MSANTD2: variants seen among roughly 807,000 people sequenced by gnomAD.
The protein encoded by MSANTD2 is Myb/SANT DNA binding domain containing 2.
Under a neutral mutation model 52.6 loss-of-function variants are expected in MSANTD2, and 19 were observed. The ratio of observed to expected loss-of-function variants is 0.36; its 90% confidence interval spans 0.25 to 0.53. The LOEUF is 0.53. MSANTD2 is among the 20% of genes least tolerant of loss of function. The probability of loss-of-function intolerance (pLI) is 0.91; values close to 1 mark genes in which losing one functional copy is unlikely to be tolerated. For synonymous variants in MSANTD2, 291 were observed against 289.7 expected (o/e 1.00, Z -0.04); for missense variants, 558 against 716.3 (o/e 0.78, Z 2.52).
chr11:124,767,415 C>G lies in MSANTD2; in HGVS notation c.1441G>C (p.Glu481Gln), dbSNP rs1345828518. The G allele has an allele frequency of 6.2e-7, 1 of 1,614,066 alleles. No homozygotes were observed. Among genetic ancestry groups the G allele is most frequent in the Non-Finnish European group, 8.5e-7 (1 of 1,180,038 alleles). ...AAGCACTGCTGTAGAGTCCTGACCTCAGCAATCCCGAGGTAGCAATAGATA... is the reference window on the plus strand; with the variant it reads ...AAGCACTGCTGTAGAGTCCTGACCTGAGCAATCCCGAGGTAGCAATAGATA... ...RIIYCYLGIAEVRTLQQCLFL... is the reference protein window; with the variant it reads ...RIIYCYLGIAQVRTLQQCLFL... Residue 481 changes from glutamate to glutamine, a missense_variant, in exon 4 of 4, where the codon GAG (glutamate) becomes CAG (glutamine). This residue lies in a region of MSANTD2 where 408 missense variants were observed against 573.6 expected (regional missense o/e 0.71). Transcript: ENST00000374979. This position sits in a 1 kb window ranked among gnomAD's most constrained non-coding sequence, Gnocchi z 6.5.
At position 124,774,586 on chromosome 11, in the gene MSANTD2, G is replaced by GC; in HGVS notation, c.766+132dup. ...CATGAAAGACATACAAGGCAGAGAT[G>GC]CCCTTTATGCCTTATGCTGACCACT... is the stretch of plus-strand genomic sequence containing the variant. On this transcript the variant is annotated intron_variant, in intron 2 of 3. Transcript: ENST00000374979. This position sits in a 1 kb window ranked among gnomAD's most constrained non-coding sequence, Gnocchi z 5.1. The GC allele has an allele frequency of 1.2e-6, 1 of 860,670 alleles. No individual in the cohort carries two copies. The allele number at this position is 860,670 out of a possible 1,614,324, so 53.3% of individuals were successfully genotyped here. A position where few individuals can be genotyped will look rare whatever the true frequency, so the allele number is the denominator to read the frequency against.
chr11:124,790,148 T>C (rs1418879270), intron 1 of MSANTD2: 1 of 152,248 alleles, frequency 6.6e-6, no homozygotes, highest in Non-Finnish European at 1.5e-5. Context: ...ACATGACACT[T>C]AACATTTGAA....
intron 2 of MSANTD2, chr11:124,773,304 C>T: frequency 3.3e-6 from 1 of 303,722 alleles, no homozygotes; most frequent in Non-Finnish European, 6.0e-6. Context: ...GGATTTCTAG[C>T]TAGGAGCTTA....
intron 1 of MSANTD2, among the ~76,000 whole-genome samples, chr11:124,786,949 T>C (rs892273802): frequency 6.6e-6 from 1 of 152,214 alleles, no homozygotes; most frequent in Non-Finnish European, 1.5e-5. Context: ...AGAGAAACAC[T>C]GCTTGGTGTC....
At chr11:124,771,607 T>C (rs1184046138) in intron 3 of MSANTD2, among the ~76,000 whole-genome samples, 1 of 152,122 alleles carries the variant, frequency 6.6e-6, no homozygotes, top group East Asian at 1.9e-4. Flanking sequence ...CCATCTCTAC[T>C]AAAAATACGA....
At chr11:124,770,588 C>T (rs533850107) in intron 3 of MSANTD2, among the ~76,000 whole-genome samples, 29 of 152,098 alleles carry the variant, frequency 1.9e-4, no homozygotes, top group African/African-American at 6.0e-4. Context: ...CATGAGCCAC[C>T]GCGCTTTGCC....
chr11:124,785,288 G>A (rs1036618516), intron 1 of MSANTD2, among the ~76,000 whole-genome samples: 1 of 152,174 alleles, frequency 6.6e-6, no homozygotes, highest in Non-Finnish European at 1.5e-5. Flanking sequence ...CTGAGATTTG[G>A]GCTAAGCAAT....
intron 1 of MSANTD2, among the ~76,000 whole-genome samples, chr11:124,778,842 T>C (rs974394565): frequency 6.6e-6 from 1 of 152,038 alleles, no homozygotes; most frequent in Non-Finnish European, 1.5e-5. Context: ...ATGACATTCA[T>C]TGTGGATGAA....
At chr11:124,785,887 G>A (rs1274696423) in intron 1 of MSANTD2, among the ~76,000 whole-genome samples, 2 of 151,704 alleles carry the variant, frequency 1.3e-5, no homozygotes, top group Admixed American at 6.6e-5. Flanking sequence ...CTTATCCAAA[G>A]TCACTTTCAG....
In MSANTD2 at chr11:124,800,028, T is replaced by C; in HGVS notation, c.353A>G (p.Asn118Ser). Residue 118 changes from asparagine to serine, a missense_variant, in exon 1 of 4, where the codon AAC (asparagine) becomes AGC (serine). Asn to Ser is a conservative substitution (Grantham distance 46). This residue lies in a region of MSANTD2 where 408 missense variants were observed against 573.6 expected (regional missense o/e 0.71). Coordinates refer to ENST00000374979, the MANE Select transcript of MSANTD2 (RefSeq NM_001308027.2). This position sits in a 1 kb window ranked among gnomAD's most constrained non-coding sequence, Gnocchi z 4.3. ...GTACCGCGCCTCCACCAGCCGCTCG[T>C]TGCCCCACACTGCGATGAGCGCGTT... ...ETNALIAVWG[N>S]ERLVEARYQQ... 3 of 1,583,024 alleles carry C rather than the reference T, an allele frequency of 1.9e-6. No homozygotes were observed. In the South Asian group the frequency reaches 3.4e-5, roughly 18 times the overall value.
rs1015967160 is a variant in MSANTD2, at chr11:124,786,098, T to C, written c.511-11124A>G. Among the ~76,000 whole-genome samples the C allele has an allele frequency of 3.4e-3, 369 of 108,194 alleles. 5 individuals carry two copies. Among genetic ancestry groups the C allele is most frequent in the African/African-American group, 0.014 (322 of 22,892 alleles). The allele number at this position is 108,194 out of a possible 152,430, so 71.0% of individuals were successfully genotyped here. On this transcript the variant is annotated intron_variant, in intron 1 of 3. Coordinates refer to ENST00000374979, the MANE Select transcript of MSANTD2 (RefSeq NM_001308027.2). ...TATTTGCCCTGCATCATTTCTTCTT[T>C]TTTTTTTTTTTTTTTTTTTAGTATG...
intron 3 of MSANTD2, among the ~76,000 whole-genome samples, chr11:124,770,122 T>A (rs1295094495): frequency 6.6e-6 from 1 of 152,144 alleles, no homozygotes; most frequent in Admixed American, 6.5e-5. Flanking sequence ...AAAGTTTAAG[T>A]GGTTTGAGAT....
chr11:124,795,600 A>G (rs1212082770), intron 1 of MSANTD2, among the ~76,000 whole-genome samples: 1 of 152,236 alleles, frequency 6.6e-6, no homozygotes, highest in East Asian at 1.9e-4. Flanking sequence ...TGTCTTGACC[A>G]GCTTTTTAAC....
Position 124,767,666 on chromosome 11 carries a change from A to G in MSANTD2, c.1190T>C (p.Ile397Thr), listed in dbSNP as rs1244073275. Residue 397 changes from isoleucine (I) to threonine (T), a missense_variant, in exon 4 of 4, where the codon ATT becomes ACT. Ile to Thr is a moderately conservative substitution (Grantham distance 89). This residue lies in a region of MSANTD2 where 408 missense variants were observed against 573.6 expected (regional missense o/e 0.71). Transcript: ENST00000374979. This position sits in a 1 kb window ranked among gnomAD's most constrained non-coding sequence, Gnocchi z 6.5. ...CCCACCAGTTGGTTTGGAGTGGGCA[A>G]TGGGTATCCAGTCAATTTCCATGTG... ...ELHMEIDWIP[I>T]AHSKPTGGNV... 1 of 1,614,216 alleles carries G rather than the reference A, an allele frequency of 6.2e-7. No homozygotes were observed. The highest frequency in any genetic ancestry group is 1.7e-5 in the Admixed American group (1 of 60,028).
chr11:124,790,404 GA>G (rs973394178), intron 1 of MSANTD2: 1 of 152,240 alleles, frequency 6.6e-6, no homozygotes, highest in African/African-American at 2.4e-5. Flanking sequence ...CTGCAGTCAA[GA>G]ACCCTCTGTG....
chr11:124,797,232 C>T (rs1180600069), intron 1 of MSANTD2, among the ~76,000 whole-genome samples: 1 of 152,142 alleles, frequency 6.6e-6, no homozygotes, highest in Non-Finnish European at 1.5e-5. Flanking sequence ...CGCCTATAAT[C>T]CCAGCACTTT....
Position 124,767,122 on chromosome 11 carries a change from G to A in MSANTD2, c.*54C>T, listed in dbSNP as rs1282611150. On this transcript the variant is annotated 3_prime_UTR_variant, in exon 4 of 4. Coordinates refer to ENST00000374979, the MANE Select transcript of MSANTD2 (RefSeq NM_001308027.2). The surrounding 1 kb of genome is among the most constrained non-coding windows in gnomAD (Gnocchi z 6.5). ...GGATGAGGGGTGGTCCGGGTAATGG[G>A]AAGTGAGTAGAGAAGAAGGAGCTAA... 7 of 1,523,106 alleles carry A rather than the reference G, an allele frequency of 4.6e-6. No individual in the cohort carries two copies. The highest frequency in any genetic ancestry group is 2.1e-5 in the Admixed American group (1 of 47,138). The allele number at this position is 1,523,106 out of a possible 1,614,324, so 94.3% of individuals were successfully genotyped here. A position where few individuals can be genotyped will look rare whatever the true frequency, so the allele number is the denominator to read the frequency against.
intron 1 of MSANTD2, among the ~76,000 whole-genome samples, chr11:124,798,181 C>T (rs941529337): frequency 2.7e-5 from 4 of 146,010 alleles, no homozygotes; most frequent in Non-Finnish European, 5.9e-5. Flanking sequence ...GGCAGGACAG[C>T]TTGAGACCAG....
At chr11:124,771,142 A>G (rs1037106294) in intron 3 of MSANTD2, among the ~76,000 whole-genome samples, 2 of 152,184 alleles carry the variant, frequency 1.3e-5, no homozygotes, top group Non-Finnish European at 1.5e-5. Flanking sequence ...TGCTGGGATT[A>G]AAGGCGTGAG....
Sources: gnomAD v4.1 joint callset for allele counts (sites outside exome capture counted in the v4.1 genomes callset) on GRCh38, gnomAD v4.1.1 for gene constraint, gnomAD v4.1.1 regional missense constraint, Gnocchi (gnomAD v3.1) non-coding constraint, MANE v1.5 for transcripts, NCBI Gene and HGNC (gene_info 2026-07-23, HGNC 2026-07-21) for gene names.